AGPAT5: variants seen among roughly 807,000 people sequenced by gnomAD.
The protein encoded by AGPAT5 is 1-acylglycerol-3-phosphate O-acyltransferase 5, also known as 1-acyl-sn-glycerol-3-phosphate acyltransferase epsilon.
Under a neutral mutation model 45.6 loss-of-function variants are expected in AGPAT5, and 46 were observed. The observed-to-expected ratio is 1.01, with a 90% confidence interval of 0.80 to 1.29. The LOEUF is 1.29. Among genes scored for constraint, AGPAT5 ranks in the 50% most tolerant of loss-of-function variants. AGPAT5 has a pLI of 0.00. For synonymous variants in AGPAT5, 272 were observed against 167.0 expected, an observed-to-expected ratio of 1.63 and a Z score of -4.85; for missense variants, 673 against 450.7, an observed-to-expected ratio of 1.49 and a Z score of -4.47.
intron 1 of AGPAT5, among the ~76,000 whole-genome samples, chr8:6,721,789 G>A (rs1197369649): frequency 1.3e-5 from 2 of 152,176 alleles, no homozygotes; most frequent in Admixed American, 6.5e-5. Flanking sequence ...AGGAGAAGAG[G>A]CATACACATT....
chr8:6,713,123 T>G (rs1414472967), intron 1 of AGPAT5, among the ~76,000 whole-genome samples: 5 of 152,176 alleles, frequency 3.3e-5, no homozygotes, highest in Admixed American at 6.5e-5. Context: ...GCCGTGCCAT[T>G]ATTTCTAGCT....
chr8:6,743,816 G>A (rs1329563165), intron 5 of AGPAT5, among the ~76,000 whole-genome samples: 2 of 151,520 alleles, frequency 1.3e-5, no homozygotes, highest in South Asian at 2.1e-4. Context: ...AGTTGCTAGC[G>A]AAGGTGACAT....
In AGPAT5 at chr8:6,732,637, A is replaced by T; in HGVS notation, c.482A>T (p.Asp161Val). 1 of 1,609,554 alleles carries T rather than the reference A, an allele frequency of 6.2e-7. No individual in the cohort carries two copies. Among genetic ancestry groups the T allele is most frequent in the Non-Finnish European group, 8.5e-7 (1 of 1,178,782 alleles). Residue 161 changes from aspartate to valine, a missense_variant, in exon 4 of 8, where the codon GAC becomes GTC. Asp to Val is a radical substitution (Grantham distance 152). Coordinates refer to ENST00000285518, the MANE Select transcript of AGPAT5 (RefSeq NM_018361.5). ...EMRNKLQSYV[D>V]AGTPMYLVIF... Reference sequence around the variant, plus strand: ...CGAAACAAGTTGCAGAGCTACGTGGACGCAGGAACTCCAGTAAGAGCCTAC... The same window carrying T: ...CGAAACAAGTTGCAGAGCTACGTGGTCGCAGGAACTCCAGTAAGAGCCTAC...
intron 5 of AGPAT5, among the ~76,000 whole-genome samples, chr8:6,746,673 C>T (rs756254429): frequency 1.6e-4 from 25 of 152,330 alleles, no homozygotes; most frequent in Non-Finnish European, 3.2e-4. Flanking sequence ...GAATCTTTGT[C>T]TTTCCCACAC....
At chr8:6,717,131 G>T (rs1490422258) in intron 1 of AGPAT5, among the ~76,000 whole-genome samples, 4 of 152,188 alleles carry the variant, frequency 2.6e-5, no homozygotes, top group Admixed American at 1.3e-4. Context: ...GCAGTGCAGA[G>T]AAACCTTGGT....
intron 7 of AGPAT5, among the ~76,000 whole-genome samples, chr8:6,755,517 C>A (rs1374406974): frequency 6.6e-6 from 1 of 152,144 alleles, no homozygotes. Flanking sequence ...AGTGGTGTTA[C>A]TGTGTGAGGT....
At chr8:6,741,802 T>C (rs1587046802) in intron 5 of AGPAT5, 51 bp downstream of exon 5, 1 of 1,409,078 alleles carries the variant, frequency 7.1e-7, no homozygotes, top group Non-Finnish European at 9.9e-7. Context: ...GATAATAACA[T>C]TTTTAGTTTT....
At chr8:6,741,955 A>G (rs1801257571) in intron 5 of AGPAT5, among the ~76,000 whole-genome samples, 1 of 152,160 alleles carries the variant, frequency 6.6e-6, no homozygotes, top group African/African-American at 2.4e-5. Context: ...TATCTGAGAA[A>G]TTAAGTTGAA....
At chr8:6,734,495 T>C (rs898867464) in intron 4 of AGPAT5, among the ~76,000 whole-genome samples, 1 of 152,204 alleles carries the variant, frequency 6.6e-6, no homozygotes, top group African/African-American at 2.4e-5. Context: ...TATCTGATCA[T>C]AAAGCTTAGT....
At chr8:6,745,142 C>T (rs1003858044) in intron 5 of AGPAT5, 1 of 153,298 alleles carries the variant, frequency 6.5e-6, no homozygotes, top group Non-Finnish European at 1.5e-5. Flanking sequence ...TGTGGAGTCT[C>T]TTGACTTGGA....
rs1802015201 is a variant in AGPAT5 at position 6,760,813 on chromosome 8, CATT to C, written c.*3427_*3429del. On this transcript the variant is annotated 3_prime_UTR_variant, in exon 8 of 8. Coordinates refer to ENST00000285518, the MANE Select transcript of AGPAT5 (RefSeq NM_018361.5). ...ATATAGAGACTATGTAACATGCAAT[CATT>C]AGAATCAAAATTAGTACTTTGGTCA... Among the ~76,000 whole-genome samples, 1 of 152,170 alleles carries C rather than the reference CATT, an allele frequency of 6.6e-6. No individual in the cohort carries two copies. Among genetic ancestry groups the C allele is most frequent in the African/African-American group, 2.4e-5 (1 of 41,442 alleles).
At chr8:6,756,104 C>G (rs1180047675) in intron 7 of AGPAT5, among the ~76,000 whole-genome samples, 1 of 152,166 alleles carries the variant, frequency 6.6e-6, no homozygotes, top group African/African-American at 2.4e-5. Flanking sequence ...AGCGCTTTCC[C>G]TTTCTGTTTG....
chr8:6,738,139 T>G lies in AGPAT5; in HGVS notation c.496-3522T>G, dbSNP rs562814041. On this transcript the variant is annotated intron_variant, in intron 4 of 7. Coordinates refer to ENST00000285518, the MANE Select transcript of AGPAT5 (RefSeq NM_018361.5). ...TTTTCCTTTGCATCCGCAACTTGGC[T>G]GTTTAGTGGAAAGGACCTAGCTTTT... Among the ~76,000 whole-genome samples, 19 of 152,364 alleles carry G rather than the reference T, an allele frequency of 1.2e-4. No homozygotes were observed. The South Asian group carries it at 3.9e-3, about 32-fold the overall frequency.
chr8:6,737,808 A>T (rs1238564599), intron 4 of AGPAT5, among the ~76,000 whole-genome samples: 1 of 152,202 alleles, frequency 6.6e-6, no homozygotes, highest in South Asian at 2.1e-4. Flanking sequence ...GCTATAGCTT[A>T]TACATCAGTA....
intron 6 of AGPAT5, 65 bp downstream of exon 6, chr8:6,747,893 A>G (rs1563304443): frequency 1.3e-6 from 2 of 1,486,058 alleles, no homozygotes; most frequent in South Asian, 1.4e-5. Context: ...TTTATGTAGA[A>G]TTCAGTTTTA....
In AGPAT5 at chr8:6,721,167, C is replaced by G. The variant is rs149984343; in HGVS notation, c.220-3703C>G. On this transcript the variant is annotated intron_variant, in intron 1 of 7. Transcript: ENST00000285518. ...TTACTATTCAATGAAACGTTTTAAA[C>G]GGGGTAGAAAAAGACTAGTTTTTGT... is the stretch of plus-strand genomic sequence containing the variant. 2.4e-3 allele frequency among the ~76,000 whole-genome samples: 365 copies of G among 152,142 alleles called. 2 individuals are homozygous for G. The highest frequency in any genetic ancestry group is 2.6e-3 in the Non-Finnish European group (174 of 67,992).
chr8:6,744,489 G>C (rs1173577963), intron 5 of AGPAT5, among the ~76,000 whole-genome samples: 1 of 152,188 alleles, frequency 6.6e-6, no homozygotes, highest in African/African-American at 2.4e-5. Context: ...TCAAGGTGTT[G>C]GCAGGGCTGC....
chr8:6,723,683 TA>T (rs1172482120), intron 1 of AGPAT5, among the ~76,000 whole-genome samples: 1 of 152,238 alleles, frequency 6.6e-6, no homozygotes, highest in Non-Finnish European at 1.5e-5. Flanking sequence ...ACTTTATGAA[TA>T]AAAACTCATT....
At chr8:6,753,175 G>A (rs779580523) in intron 6 of AGPAT5, among the ~76,000 whole-genome samples, 2 of 152,238 alleles carry the variant, frequency 1.3e-5, no homozygotes, top group African/African-American at 2.4e-5. Context: ...GAGTGCTTTT[G>A]TCTCAGCAGC....
Sources: allele counts gnomAD v4.1 joint callset (sites outside exome capture counted in the v4.1 genomes callset), GRCh38; gene constraint gnomAD v4.1.1; transcripts MANE v1.5; gene names NCBI Gene and HGNC (gene_info 2026-07-23, HGNC 2026-07-21).